The following CRB2 variants were observed in gnomAD, a reference collection of about 807,000 sequenced individuals.
CRB2 encodes protein crumbs homolog 2.
A neutral mutation model predicts 110.9 loss-of-function variants in CRB2; 85 were observed. The ratio of observed to expected loss-of-function variants is 0.77; its 90% confidence interval spans 0.64 to 0.92. The LOEUF (loss-of-function observed/expected upper bound fraction) is 0.92, where lower values mean the gene tolerates loss of function less well. Ranked by LOEUF, CRB2 falls within the 40% of genes least tolerant of loss-of-function variation. CRB2 has a pLI of 0.00. For missense variants in CRB2, 1,843 were observed against 1,851.3 expected (o/e 1.00, Z 0.08); for synonymous variants, 907 against 831.0 (o/e 1.09, Z -1.57).
rs778405572 is a variant in CRB2 at position 123,374,650 on chromosome 9, C to G, written c.3461C>G (p.Ser1154Cys). The change falls in exon 11 of 13, where the codon TCT becomes TGT. Residue 1154 changes from serine to cysteine, a missense_variant. By Grantham distance (112) the Ser-to-Cys change is moderately radical. Coordinates refer to ENST00000373631, the MANE Select transcript of CRB2 (RefSeq NM_173689.7). Reference protein sequence around the residue: ...CLDGSPCEGGSPAANCSCLEG... With the variant: ...CLDGSPCEGGCPAANCSCLEG... Reference sequence around the variant, plus strand: ...GATGGCAGCCCATGTGAGGGTGGCTCTCCCGCTGCCAACTGCAGCTGCCTG... The same window carrying G: ...GATGGCAGCCCATGTGAGGGTGGCTGTCCCGCTGCCAACTGCAGCTGCCTG... 42 of 1,612,896 alleles carry G rather than the reference C, an allele frequency of 2.6e-5. No homozygotes were observed. The highest frequency in any genetic ancestry group is 3.6e-5 in the Non-Finnish European group (42 of 1,179,950).
chr9:123,364,080 A>G, intron 2 of CRB2, among the ~76,000 whole-genome samples: 1 of 152,190 alleles, frequency 6.6e-6, no homozygotes, highest in East Asian at 1.9e-4. Context: ...GCTGGGTTCC[A>G]GGGCAGGGGG....
At chr9:123,360,466 C>T (rs1484691177) in intron 1 of CRB2, among the ~76,000 whole-genome samples, 1 of 152,244 alleles carries the variant, frequency 6.6e-6, no homozygotes, top group East Asian at 1.9e-4. Flanking sequence ...CCCCGCCCCT[C>T]CTTGCCTCTC....
chr9:123,356,195 G>A (rs917561189), upstream of CRB2: 1 of 1,133,210 alleles, frequency 8.8e-7, no homozygotes, highest in Non-Finnish European at 1.2e-6. Flanking sequence ...GACGAGGGGG[G>A]TGCGGAGCCA....
intron 9 of CRB2, among the ~76,000 whole-genome samples, chr9:123,372,868 C>T (rs1209014022): frequency 6.6e-6 from 1 of 152,246 alleles, no homozygotes; most frequent in African/African-American, 2.4e-5. Context: ...GTTGCTGTTG[C>T]CTGGCTTGTG....
intron 12 of CRB2, 65 bp from the exon 13 acceptor site, chr9:123,376,773 C>A: frequency 7.0e-7 from 1 of 1,436,196 alleles, no homozygotes; most frequent in South Asian, 1.3e-5. Context: ...GCTCTCTGCT[C>A]TCTGAGGGCC....
At position 123,359,010 on chromosome 9, in the gene CRB2, A is replaced by T. The variant is rs1346947933; in HGVS notation, c.94+2656A>T. On this transcript the variant is annotated intron_variant, in intron 1 of 12. Coordinates refer to ENST00000373631, the MANE Select transcript of CRB2 (RefSeq NM_173689.7). Reference sequence around the variant, plus strand: ...CTGTCTCCCCCTCACTTCAGGAGGTAACTCCCTGGAACTGTGCTCTGAGCC... The same window carrying T: ...CTGTCTCCCCCTCACTTCAGGAGGTTACTCCCTGGAACTGTGCTCTGAGCC... Among the ~76,000 whole-genome samples, 13 of 152,120 alleles carry T rather than the reference A, an allele frequency of 8.5e-5. 1 individual carries two copies. The highest frequency in any genetic ancestry group is 8.5e-4 in the Admixed American group (13 of 15,272).
chr9:123,357,429 T>A (rs1009672781), intron 1 of CRB2, among the ~76,000 whole-genome samples: 4 of 152,024 alleles, frequency 2.6e-5, no homozygotes, highest in African/African-American at 7.2e-5. Flanking sequence ...GGGCCAAGTG[T>A]CTCCCAGTCC....
chr9:123,366,944 CAAAA>C (rs3050063), intron 4 of CRB2, among the ~76,000 whole-genome samples: 2 of 133,974 alleles, frequency 1.5e-5, no homozygotes, highest in Non-Finnish European at 1.6e-5. Flanking sequence ...GATTCTATCT[CAAAA>C]AAAAAAAAAA....
upstream of CRB2, among the ~76,000 whole-genome samples, chr9:123,355,735 A>C: frequency 7.8e-6 from 1 of 127,666 alleles, no homozygotes; most frequent in African/African-American, 3.0e-5. Flanking sequence ...AGGTGGGGGG[A>C]CGAGCTGGGT....
At position 123,377,109 on chromosome 9, in the gene CRB2, C is replaced by G; in HGVS notation, c.*47C>G. ...AGCACCTGGAGGTCCTGAATGGTTT[C>G]TACCTGGAGACCCAAGGAAGCTGCT... On this transcript the variant is annotated 3_prime_UTR_variant, in exon 13 of 13. Coordinates refer to ENST00000373631, the MANE Select transcript of CRB2 (RefSeq NM_173689.7). The G allele has an allele frequency of 6.9e-7, 1 of 1,453,860 alleles. No individual in the cohort carries two copies. The highest frequency in any genetic ancestry group is 9.2e-7 in the Non-Finnish European group (1 of 1,090,970). The allele number at this position is 1,453,860 out of a possible 1,614,324, so 90.1% of individuals were successfully genotyped here.
chr9:123,376,022 G>A (rs764915792), intron 12 of CRB2, among the ~76,000 whole-genome samples: 3 of 152,050 alleles, frequency 2.0e-5, no homozygotes, highest in Non-Finnish European at 4.4e-5. Context: ...CTCCGCTTAC[G>A]GGGAATGTTT....
At position 123,373,781 on chromosome 9, in the gene CRB2, C is replaced by T. The variant is rs762147536; in HGVS notation, c.3250C>T (p.Pro1084Ser). ...CGACGCCTTTGCCTGCGCCTGCGGC[C>T]CGGGGTGGGAAGGCCCGCGCTGCGA... ...LFDAFACACG[P>S]GWEGPRCEAH... The change falls in exon 10 of 13, where the codon CCG (proline) becomes TCG (serine). Residue 1084 changes from proline (P) to serine (S), a missense_variant. Pro to Ser is a moderately conservative substitution (Grantham distance 74, BLOSUM62 -1). Transcript: ENST00000373631. The T allele has an allele frequency of 9.4e-6, 15 of 1,590,844 alleles. No homozygotes were observed. The highest frequency in any genetic ancestry group is 1.3e-5 in the Non-Finnish European group (15 of 1,176,652).
chr9:123,374,809 C>T, intron 11 of CRB2, 114 bp downstream of exon 11: 1 of 677,288 alleles, frequency 1.5e-6, no homozygotes, highest in East Asian at 2.7e-5. Flanking sequence ...CCTGGTATCA[C>T]AGTCACCATT....
intron 6 of CRB2, chr9:123,369,095 T>A: frequency 4.1e-6 from 2 of 491,952 alleles, no homozygotes; most frequent in Non-Finnish European, 5.9e-6. Flanking sequence ...GATGTGGCTC[T>A]GGCTGAGCTA....
At chr9:123,374,230 TC>T in intron 10 of CRB2, 1 of 592,898 alleles carries the variant, frequency 1.7e-6, no homozygotes, top group African/African-American at 1.9e-5. Flanking sequence ...CTTTGGCGCT[TC>T]CCTTATTCAT....
In CRB2 at chr9:123,378,209, G is replaced by C. The variant is rs933607718; in HGVS notation, c.*1147G>C. On this transcript the variant is annotated 3_prime_UTR_variant, in exon 13 of 13. Coordinates refer to ENST00000373631, the MANE Select transcript of CRB2 (RefSeq NM_173689.7). ...CTGGCGCTGCCTCTGAGTCGGGGCTGGGCCTGCAGAGGCCGACTCAGAGGA... is the reference window on the plus strand; with the variant it reads ...CTGGCGCTGCCTCTGAGTCGGGGCTCGGCCTGCAGAGGCCGACTCAGAGGA... 2 of 152,268 alleles carry C rather than the reference G, an allele frequency of 1.3e-5. No individual in the cohort carries two copies. Among genetic ancestry groups the C allele is most frequent in the Non-Finnish European group, 2.9e-5 (2 of 68,080 alleles). 9.4% of individuals were successfully genotyped at this position (152,268 alleles called of 1,614,324 possible).
intron 9 of CRB2, among the ~76,000 whole-genome samples, chr9:123,372,891 G>T (rs2042036581): frequency 6.6e-6 from 1 of 152,202 alleles, no homozygotes; most frequent in South Asian, 2.1e-4. Flanking sequence ...CTGGAGGGTC[G>T]CCTAGGCATC....
At chr9:123,366,884 G>C (rs1019016133) in intron 4 of CRB2, among the ~76,000 whole-genome samples, 1 of 151,084 alleles carries the variant, frequency 6.6e-6, no homozygotes, top group Non-Finnish European at 1.5e-5. Flanking sequence ...CTGGGAGGTG[G>C]AGGTGAGCAG....
At chr9:123,372,117 G>A (rs1339373797) in intron 8 of CRB2, 60 bp from the exon 9 acceptor site, 1 of 1,554,542 alleles carries the variant, frequency 6.4e-7, no homozygotes, top group African/African-American at 1.4e-5. Context: ...TGCAATGCCA[G>A]TTATGGTGGG....
Sources: gnomAD v4.1 joint callset for allele counts (sites outside exome capture counted in the v4.1 genomes callset) on GRCh38, gnomAD v4.1.1 for gene constraint, MANE v1.5 for transcripts, NCBI Gene and HGNC (gene_info 2026-07-23, HGNC 2026-07-21) for gene names.